The following AMN1 variants were observed in gnomAD, a reference collection of about 807,000 sequenced individuals.
The protein encoded by AMN1 is protein AMN1 homolog.
A neutral mutation model predicts 33.0 loss-of-function variants in AMN1; 20 were observed. That is an observed-to-expected ratio of 0.61 (90% CI 0.43 to 0.88). AMN1 has a LOEUF of 0.88. AMN1 is among the 40% of genes least tolerant of loss of function. AMN1 has a pLI of 0.00. For synonymous variants in AMN1, 114 were observed against 111.9 expected, an observed-to-expected ratio of 1.02 and a Z score of -0.12; for missense variants, 246 against 307.4, an observed-to-expected ratio of 0.80 and a Z score of 1.49.
chr12:31,681,054 G>T (rs1937987610), intron 6 of AMN1, among the ~76,000 whole-genome samples: 1 of 152,072 alleles, frequency 6.6e-6, no homozygotes, highest in Admixed American at 6.6e-5. Context: ...AAGATTTAGG[G>T]GTACTGATGG....
intron 5 of AMN1, among the ~76,000 whole-genome samples, chr12:31,690,177 G>T (rs1938441545): frequency 6.6e-6 from 1 of 152,106 alleles, no homozygotes; most frequent in Non-Finnish European, 1.5e-5. Flanking sequence ...CATTTGCATT[G>T]GTTCCACATT....
At chr12:31,703,211 A>G (rs1272795516) in intron 2 of AMN1, among the ~76,000 whole-genome samples, 1 of 152,210 alleles carries the variant, frequency 6.6e-6, no homozygotes, top group Non-Finnish European at 1.5e-5. Flanking sequence ...ATTGGAACCC[A>G]GGTCCTTTTA....
chr12:31,674,432 T>C (rs1042454513), intron 6 of AMN1, among the ~76,000 whole-genome samples: 2 of 151,652 alleles, frequency 1.3e-5, no homozygotes, highest in Admixed American at 6.6e-5. Context: ...GTGGGCATCA[T>C]TGAGCACAGT....
At chr12:31,679,923 G>A (rs1456766695) in intron 6 of AMN1, among the ~76,000 whole-genome samples, 1 of 151,798 alleles carries the variant, frequency 6.6e-6, no homozygotes, top group Non-Finnish European at 1.5e-5. Context: ...TCAGGAGTTC[G>A]AGACTAGGCT....
At chr12:31,725,260 A>G (rs1940019290) in intron 1 of AMN1, among the ~76,000 whole-genome samples, 1 of 152,194 alleles carries the variant, frequency 6.6e-6, no homozygotes, top group Non-Finnish European at 1.5e-5. Flanking sequence ...ATTTGCAAAA[A>G]TTTCCTAGAG....
intron 6 of AMN1, among the ~76,000 whole-genome samples, chr12:31,678,446 G>A (rs1020922934): frequency 6.6e-6 from 1 of 151,432 alleles, no homozygotes; most frequent in Admixed American, 6.6e-5. Context: ...GCCTAGGCTG[G>A]AGTGCAATGG....
At chr12:31,705,605 G>A (rs1034916047) in intron 2 of AMN1, among the ~76,000 whole-genome samples, 3 of 152,148 alleles carry the variant, frequency 2.0e-5, no homozygotes, top group Non-Finnish European at 2.9e-5. Context: ...AGTGAAGTCA[G>A]AGCAATTGTG....
chr12:31,691,842 C>T (rs765075702), intron 5 of AMN1, among the ~76,000 whole-genome samples: 3 of 151,986 alleles, frequency 2.0e-5, no homozygotes, highest in Non-Finnish European at 2.9e-5. Context: ...AATAATTGAG[C>T]GGGGCTTTAG....
intron 6 of AMN1, among the ~76,000 whole-genome samples, chr12:31,677,880 G>A (rs1193115255): frequency 6.6e-6 from 1 of 152,218 alleles, no homozygotes; most frequent in East Asian, 1.9e-4. Context: ...CCTAGGAGCT[G>A]GCCATAAAGA....
chr12:31,701,573 A>T (rs1225289613), intron 3 of AMN1, among the ~76,000 whole-genome samples: 1 of 152,198 alleles, frequency 6.6e-6, no homozygotes, highest in Admixed American at 6.5e-5. Context: ...CAGCTAAAAA[A>T]GTGCTGGAAT....
chr12:31,696,639 T>C (rs534450401), intron 5 of AMN1, among the ~76,000 whole-genome samples: 1 of 152,152 alleles, frequency 6.6e-6, no homozygotes, highest in Non-Finnish European at 1.5e-5. Flanking sequence ...TTTAAGATCT[T>C]TTTTAGGCCG....
intron 2 of AMN1, among the ~76,000 whole-genome samples, chr12:31,706,156 CA>C (rs1016263495): frequency 6.6e-6 from 1 of 151,482 alleles, no homozygotes; most frequent in African/African-American, 2.4e-5. Flanking sequence ...ACTAAAAATA[CA>C]AAAAATTAGC....
At chr12:31,705,094 C>A (rs1939168605) in intron 2 of AMN1, among the ~76,000 whole-genome samples, 1 of 152,070 alleles carries the variant, frequency 6.6e-6, no homozygotes, top group African/African-American at 2.4e-5. Context: ...TGCAAGCTAA[C>A]ATGAAGAAAA....
intron 5 of AMN1, among the ~76,000 whole-genome samples, chr12:31,692,123 C>T (rs906931392): frequency 9.2e-5 from 14 of 151,820 alleles, no homozygotes; most frequent in Admixed American, 5.3e-4. Context: ...GTGATCCACC[C>T]GCCTCAGCCT....
At chr12:31,682,807 G>A (rs971484826) in intron 6 of AMN1, among the ~76,000 whole-genome samples, 5 of 152,164 alleles carry the variant, frequency 3.3e-5, no homozygotes, top group South Asian at 2.1e-4. Flanking sequence ...ATCATGTAAC[G>A]GTAACACCTA....
intron 1 of AMN1, among the ~76,000 whole-genome samples, chr12:31,726,887 T>C (rs878939900): frequency 6.6e-6 from 1 of 152,208 alleles, no homozygotes; most frequent in South Asian, 2.1e-4. Flanking sequence ...TTCTTAACAT[T>C]GTTAGTCTGT....
At position 31,695,617 on chromosome 12, in the gene AMN1, C is replaced by T. The variant is rs538305807; in HGVS notation, c.591+1744G>A. Among the ~76,000 whole-genome samples the T allele has an allele frequency of 1.7e-4, 26 of 151,748 alleles. 1 individual carries two copies. The East Asian group carries it at 4.9e-3, about 28-fold the overall frequency. Reference sequence around the variant, plus strand: ...TCTCCTATCTCAGGCTCCCAAGTAGCTGGGATTACAGGTACCTGCCACCAT... The same window carrying T: ...TCTCCTATCTCAGGCTCCCAAGTAGTTGGGATTACAGGTACCTGCCACCAT... On this transcript the variant is annotated intron_variant, in intron 5 of 6. Transcript: ENST00000281471.
intron 6 of AMN1, among the ~76,000 whole-genome samples, chr12:31,679,754 T>C (rs1297507667): frequency 1.3e-5 from 2 of 152,170 alleles, no homozygotes; most frequent in African/African-American, 4.8e-5. Flanking sequence ...AATGCATGTC[T>C]GCTGTAGGAG....
At position 31,683,050 on chromosome 12, in the gene AMN1, C is replaced by A. The variant is rs971183034; in HGVS notation, c.703+5957G>T. Among the ~76,000 whole-genome samples, 1 of 149,430 alleles carries A rather than the reference C, an allele frequency of 6.7e-6. No homozygotes were observed. Among genetic ancestry groups the A allele is most frequent in the Non-Finnish European group, 1.5e-5 (1 of 66,874 alleles). ...CAATCTTGGCTAATTGCAACCTCTG[C>A]CCCCCAGGCTCAAGTGATCCTCATG... On this transcript the variant is annotated intron_variant, in intron 6 of 6. Coordinates refer to ENST00000281471, the MANE Select transcript of AMN1 (RefSeq NM_001113402.2). This position sits in a 1 kb window ranked among gnomAD's most constrained non-coding sequence, Gnocchi z 4.1.
Sources: allele counts gnomAD v4.1 joint callset (sites outside exome capture counted in the v4.1 genomes callset), GRCh38; gene constraint gnomAD v4.1.1; non-coding constraint Gnocchi (gnomAD v3.1); transcripts MANE v1.5; gene names NCBI Gene and HGNC (gene_info 2026-07-23, HGNC 2026-07-21).